Variants in EGFLAM observed in about 807,000 individuals in gnomAD.
EGFLAM encodes pikachurin.
In EGFLAM, 79 loss-of-function variants were observed where a neutral mutation model predicts 113.1. The ratio of observed to expected loss-of-function variants is 0.70; its 90% CI spans 0.58 to 0.84. The LOEUF (loss-of-function observed/expected upper bound fraction) is 0.84, where lower values mean the gene tolerates loss of function less well. Among genes scored for constraint, EGFLAM ranks in the 40% least tolerant of loss-of-function variants. EGFLAM has a pLI of 0.00. For missense variants in EGFLAM, 1,265 were observed against 1,291.6 expected, an observed-to-expected ratio of 0.98 and a Z score of 0.32; for synonymous variants, 504 against 487.6, an observed-to-expected ratio of 1.03 and a Z score of -0.44.
Position 38,268,303 on chromosome 5 carries a change from T to C in EGFLAM, c.97+9452T>C, listed in dbSNP as rs142528735. On this transcript the variant is annotated intron_variant, in intron 1 of 21. Transcript: ENST00000322350. ...ACCTCAGCTGTCTTCCTCCAAAGGG[T>C]GACTTGAAGACTCAAGTCATTCTGT... 1.3e-3 allele frequency among the ~76,000 whole-genome samples: 191 copies of C among 152,274 alleles called. 1 individual carries two copies. Among genetic ancestry groups the C allele is most frequent in the African/African-American group, 4.4e-3 (182 of 41,560 alleles).
At chr5:38,445,680 G>T (rs772461398) in intron 17 of EGFLAM, 2 of 1,598,520 alleles carry the variant, frequency 1.3e-6, no homozygotes, top group South Asian at 2.2e-5. Context: ...ACCGGGCAGA[G>T]TGTGGGAACT....
intron 17 of EGFLAM, among the ~76,000 whole-genome samples, chr5:38,442,794 C>T (rs1373721521): frequency 6.6e-6 from 1 of 150,508 alleles, no homozygotes; most frequent in Non-Finnish European, 1.5e-5. Context: ...AGGGTGACAA[C>T]ATTAAAAAAA....
intron 14 of EGFLAM, 110 bp downstream of exon 14, chr5:38,427,362 A>G: frequency 1.3e-6 from 2 of 1,512,494 alleles, no homozygotes; most frequent in South Asian, 1.3e-5. Flanking sequence ...TGTCTTCTCT[A>G]CATGCTTATC....
At chr5:38,302,457 T>C (rs754184673) in intron 1 of EGFLAM, among the ~76,000 whole-genome samples, 1 of 152,176 alleles carries the variant, frequency 6.6e-6, no homozygotes, top group Non-Finnish European at 1.5e-5. Context: ...ATGGGGTCAA[T>C]AATAATGACT....
intron 3 of EGFLAM, among the ~76,000 whole-genome samples, chr5:38,340,040 G>A (rs1739296562): frequency 6.6e-6 from 1 of 152,162 alleles, no homozygotes; most frequent in African/African-American, 2.4e-5. Context: ...AGGGCTCACT[G>A]CTTGGCCTGG....
intron 1 of EGFLAM, among the ~76,000 whole-genome samples, chr5:38,277,146 T>C (rs79497130): frequency 0.01 from 1,557 of 152,194 alleles, 28 homozygotes; most frequent in African/African-American, 0.036. Flanking sequence ...CCCAGCAAAC[T>C]TGAATACAGA....
chr5:38,300,254 C>T (rs180837636), intron 1 of EGFLAM, among the ~76,000 whole-genome samples: 1 of 152,326 alleles, frequency 6.6e-6, no homozygotes, highest in Non-Finnish European at 1.5e-5. Flanking sequence ...CGGGTCAAAT[C>T]ATGCACAGTC....
At chr5:38,304,340 A>G (rs1758671741) in intron 1 of EGFLAM, among the ~76,000 whole-genome samples, 1 of 152,202 alleles carries the variant, frequency 6.6e-6, no homozygotes, top group Non-Finnish European at 1.5e-5. Context: ...CAATGTCTGC[A>G]TAGCCAGGCA....
At chr5:38,302,778 A>T (rs1758625670) in intron 1 of EGFLAM, among the ~76,000 whole-genome samples, 1 of 151,908 alleles carries the variant, frequency 6.6e-6, no homozygotes, top group Non-Finnish European at 1.5e-5. Context: ...TGTAAAGTAG[A>T]CCATATAGAT....
chr5:38,339,520 C>A (rs551849239), intron 3 of EGFLAM, among the ~76,000 whole-genome samples: 1 of 152,146 alleles, frequency 6.6e-6, no homozygotes, highest in Non-Finnish European at 1.5e-5. Context: ...CTGAGAGAAA[C>A]CTGTTTGTCA....
At chr5:38,443,004 G>A (rs909942291) in intron 17 of EGFLAM, among the ~76,000 whole-genome samples, 1 of 152,188 alleles carries the variant, frequency 6.6e-6, no homozygotes, top group African/African-American at 2.4e-5. Flanking sequence ...AGTGGCTCAT[G>A]CCTGTAATCC....
intron 6 of EGFLAM, among the ~76,000 whole-genome samples, chr5:38,395,335 C>G (rs1269355766): frequency 1.3e-5 from 2 of 150,886 alleles, no homozygotes; most frequent in African/African-American, 2.4e-5. Context: ...CCTGGAACTC[C>G]TGAGCTAATG....
intron 1 of EGFLAM, among the ~76,000 whole-genome samples, chr5:38,267,725 T>G (rs2111702930): frequency 6.6e-6 from 1 of 152,284 alleles, no homozygotes; most frequent in Non-Finnish European, 1.5e-5. Context: ...ATGCCAGTGG[T>G]TAGATATTTG....
At position 38,311,552 on chromosome 5, in the gene EGFLAM, C is replaced by T. The variant is rs1430452753; in HGVS notation, c.98-25968C>T. ...TCTTTTTTAAAAGGCTAAATAGTAT[C>T]CCATTGTGTGTGTACATTTTCTTTG... On this transcript the variant is annotated intron_variant, in intron 1 of 21. Transcript: ENST00000322350. Among the ~76,000 whole-genome samples, 3 of 152,288 alleles carry T rather than the reference C, an allele frequency of 2.0e-5. No homozygotes were observed. In the East Asian group the frequency reaches 5.8e-4, roughly 29 times the overall value.
chr5:38,358,446 C>CAAA (rs34444620), intron 5 of EGFLAM, among the ~76,000 whole-genome samples: 769 of 72,750 alleles, frequency 0.011, 27 homozygotes, highest in African/African-American at 0.02. Flanking sequence ...GACTCCGTCT[C>CAAA]AAAAAAAAAA....
chr5:38,313,153 G>A (rs2589818), intron 1 of EGFLAM, among the ~76,000 whole-genome samples: 137,454 of 152,274 alleles, frequency 0.9, 62,182 homozygotes, highest in African/African-American at 0.93. Context: ...ATAATTAATG[G>A]TTTTGAGCCA....
chr5:38,409,029 T>A lies in EGFLAM; in HGVS notation c.1274T>A (p.Leu425His). The A allele has an allele frequency of 6.3e-7, 1 of 1,594,364 alleles. No individual in the cohort carries two copies. The part of the protein sequence containing the change: ...FRAEAEDGLL[L>H]YCGENEHGRG... ...GCGGAGGCAGAGGATGGCTTACTGC[T>A]CTACTGTGGGGAGAACGAACACGGG... The change falls in exon 10 of 22, where the codon CTC becomes CAC. Residue 425 changes from leucine (L) to histidine (H), a missense_variant. Transcript: ENST00000322350.
chr5:38,312,056 T>A (rs1410517800), intron 1 of EGFLAM, among the ~76,000 whole-genome samples: 1 of 152,198 alleles, frequency 6.6e-6, no homozygotes, highest in Non-Finnish European at 1.5e-5. Context: ...TTCTCATTTA[T>A]AATGCGGTAT....
intron 1 of EGFLAM, among the ~76,000 whole-genome samples, chr5:38,331,952 C>T (rs1428575880): frequency 2.0e-5 from 3 of 152,134 alleles, no homozygotes; most frequent in Non-Finnish European, 4.4e-5. Context: ...CTAACGAGTG[C>T]ACATGCCAGT....
Sources: gnomAD v4.1 joint callset for allele counts (sites outside exome capture counted in the v4.1 genomes callset) on GRCh38, gnomAD v4.1.1 for gene constraint, MANE v1.5 for transcripts, NCBI Gene and HGNC (gene_info 2026-07-23, HGNC 2026-07-21) for gene names.